The following ZNF846 variants were observed in gnomAD, a reference collection of about 807,000 sequenced individuals.
ZNF846 encodes zinc finger protein 420 pseudogene.
A neutral mutation model predicts 16.0 loss-of-function variants in ZNF846; 15 were observed. The observed-to-expected ratio is 0.94, with a 90% CI of 0.63 to 1.45. ZNF846 has a LOEUF of 1.45. ZNF846 is among the 40% of genes most tolerant of loss of function. The pLI, the probability that ZNF846 is intolerant of heterozygous loss-of-function variation, is 0.00. For missense variants in ZNF846, 714 were observed against 622.3 expected, an observed-to-expected ratio of 1.15 and a Z score of -1.57; for synonymous variants, 229 against 212.0, an observed-to-expected ratio of 1.08 and a Z score of -0.70.
chr19:9,750,177 T>C (rs1599378807), downstream of ZNF846, among the ~76,000 whole-genome samples: 1 of 152,114 alleles, frequency 6.6e-6, no homozygotes, highest in Non-Finnish European at 1.5e-5. Context: ...CTAAAAAACA[T>C]TGGCAGTCAC....
intron 1 of ZNF846, among the ~76,000 whole-genome samples, chr19:9,777,664 T>C (rs1419635364): frequency 9.9e-5 from 11 of 111,582 alleles, no homozygotes; most frequent in South Asian, 2.8e-4. Context: ...AGTGAGACTC[T>C]GTCCAAAAAA....
At chr19:9,752,710 T>C (rs1165060067), downstream of ZNF846, among the ~76,000 whole-genome samples, 1 of 151,746 alleles carries the variant, frequency 6.6e-6, no homozygotes. Flanking sequence ...TGTAGCTGGA[T>C]ATTGAAGCTT....
intron 4 of ZNF846, among the ~76,000 whole-genome samples, chr19:9,760,952 C>T (rs1158518469): frequency 1.3e-5 from 2 of 151,618 alleles, no homozygotes; most frequent in Admixed American, 6.6e-5. Context: ...AATCCCAACA[C>T]TTTGGGAGAC....
downstream of ZNF846, among the ~76,000 whole-genome samples, chr19:9,752,900 G>T (rs1401526490): frequency 1.3e-5 from 2 of 151,884 alleles, no homozygotes; most frequent in African/African-American, 4.9e-5. Flanking sequence ...CATTCAGGCT[G>T]CTATAACAAA....
At chr19:9,780,022 G>A (rs1318562252) in intron 1 of ZNF846, among the ~76,000 whole-genome samples, 2 of 148,742 alleles carry the variant, frequency 1.3e-5, no homozygotes, top group Admixed American at 1.4e-4. Flanking sequence ...GACTACAAAT[G>A]CATGCCACCA....
Position 9,757,526 on chromosome 19 carries a change from TTGAG to T in ZNF846, c.1547_1550del (p.Thr516AsnfsTer9). ...TTAGATGTTTAGCAAGTGCTGAAGA[TTGAG>T]TGAAGTTTTTCCCACATTTCTTACA... On this transcript the variant is annotated frameshift_variant, in exon 6 of 6. Coordinates refer to ENST00000397902, the Ensembl canonical transcript of ZNF846. LOFTEE classifies it low-confidence loss of function (END_TRUNC). The T allele has an allele frequency of 6.2e-7, 1 of 1,610,968 alleles. No individual in the cohort carries two copies. Among genetic ancestry groups the T allele is most frequent in the South Asian group, 1.1e-5 (1 of 90,496 alleles).
intron 1 of ZNF846, among the ~76,000 whole-genome samples, chr19:9,783,218 CTTTTTTTTTTTTTTTTTT>C (rs74183307): frequency 3.1e-5 from 2 of 65,366 alleles, no homozygotes; most frequent in East Asian, 6.5e-4. Flanking sequence ...CCCTATAATT[CTTTTTTTTTTTTTTTTTT>C]TTTTTTTTTT....
chr19:9,761,503 G>A (rs1312309949), intron 4 of ZNF846, among the ~76,000 whole-genome samples: 1 of 151,928 alleles, frequency 6.6e-6, no homozygotes, highest in Non-Finnish European at 1.5e-5. Context: ...ACAAGGTCAG[G>A]AGTTCGAGAA....
At chr19:9,764,970 C>A (rs1477878660) in exon 2 of ZNF846, 3 of 1,613,966 alleles carry the variant, frequency 1.9e-6, no homozygotes, top group Admixed American at 1.7e-5. Flanking sequence ...ATCAGTAACC[C>A]AGCCACTAGC....
chr19:9,750,906 G>A (rs188261355), downstream of ZNF846, among the ~76,000 whole-genome samples: 9 of 152,230 alleles, frequency 5.9e-5, no homozygotes, highest in African/African-American at 1.2e-4. Context: ...TGAAAAAGGA[G>A]GACTCTGCAT....
intron 1 of ZNF846, among the ~76,000 whole-genome samples, chr19:9,778,623 G>C: frequency 6.6e-6 from 1 of 152,038 alleles, no homozygotes; most frequent in East Asian, 1.9e-4. Flanking sequence ...TGGCTAACAT[G>C]GTGAAACCCT....
intron 2 of ZNF846, 83 bp from the exon 3 acceptor site, chr19:9,763,491 G>A: frequency 7.4e-7 from 1 of 1,343,554 alleles, no homozygotes; most frequent in Non-Finnish European, 1.0e-6. Flanking sequence ...GACTAAGGAA[G>A]ACTAGAAGCC....
At chr19:9,764,905 C>T (rs1277816666) in intron 2 of ZNF846, 31 bp downstream of exon 2, 1 of 1,613,710 alleles carries the variant, frequency 6.2e-7, no homozygotes, top group East Asian at 2.2e-5. Flanking sequence ...ACAAGCATAA[C>T]ATTTTGAAGT....
At chr19:9,769,362 G>A (rs1285948745), upstream of ZNF846, among the ~76,000 whole-genome samples, 2 of 152,220 alleles carry the variant, frequency 1.3e-5, no homozygotes, top group East Asian at 3.9e-4. Context: ...GACCACAGGT[G>A]TGTGCCACCA....
chr19:9,770,637 G>A (rs542854345), upstream of ZNF846, among the ~76,000 whole-genome samples: 6 of 152,164 alleles, frequency 3.9e-5, no homozygotes, highest in Non-Finnish European at 7.4e-5. Context: ...GGAGGCCGAG[G>A]CAGGCGGATC....
chr19:9,773,472 A>T (rs2045406519), upstream of ZNF846, among the ~76,000 whole-genome samples: 1 of 152,154 alleles, frequency 6.6e-6, no homozygotes, highest in Non-Finnish European at 1.5e-5. Flanking sequence ...ATTCAGTAAG[A>T]AAAATTAATT....
chr19:9,754,327 G>A (rs1447464088), downstream of ZNF846, among the ~76,000 whole-genome samples: 39 of 151,528 alleles, frequency 2.6e-4, no homozygotes, highest in Admixed American at 7.2e-4. Context: ...CACTTTGGGA[G>A]GCTGAGGTGA....
intron 1 of ZNF846, among the ~76,000 whole-genome samples, chr19:9,775,623 G>A (rs2045432704): frequency 6.6e-6 from 1 of 152,100 alleles, no homozygotes; most frequent in Admixed American, 6.6e-5. Context: ...ATGAATCAGG[G>A]AACTAAATGT....
intron 4 of ZNF846, among the ~76,000 whole-genome samples, chr19:9,761,080 T>A (rs1420262527): frequency 6.6e-6 from 1 of 151,838 alleles, no homozygotes; most frequent in Non-Finnish European, 1.5e-5. Flanking sequence ...ACGCCTGTAG[T>A]CCCAACTACT....
Sources: gnomAD v4.1 joint callset for allele counts (sites outside exome capture counted in the v4.1 genomes callset) on GRCh38, gnomAD v4.1.1 for gene constraint, MANE v1.5 for transcripts, NCBI Gene and HGNC (gene_info 2026-07-23, HGNC 2026-07-21) for gene names.